NREP: variants seen among roughly 807,000 people sequenced by gnomAD.
NREP encodes neuronal regeneration-related protein.
In NREP, 5 loss-of-function variants were observed where a neutral mutation model predicts 8.6. The ratio of observed to expected loss-of-function variants is 0.58; its 90% CI spans 0.30 to 1.22. NREP has a LOEUF of 1.22. NREP is among the 50% of genes most tolerant of loss of function. The pLI is 0.07. For missense variants in NREP, 86 were observed against 82.5 expected (o/e 1.04, Z -0.17); for synonymous variants, 27 against 28.0 (o/e 0.96, Z 0.11).
chr5:111,960,437 G>C (rs1273514305), intron 2 of NREP, among the ~76,000 whole-genome samples: 4 of 152,132 alleles, frequency 2.6e-5, no homozygotes, highest in Admixed American at 1.3e-4. Context: ...TCCACAGAGA[G>C]GACTTGCAAA....
At chr5:111,850,123 A>G (rs2112466279) in intron 2 of NREP, among the ~76,000 whole-genome samples, 1 of 152,302 alleles carries the variant, frequency 6.6e-6, no homozygotes, top group East Asian at 1.9e-4. Flanking sequence ...CCTCTTCTTC[A>G]TGACAAGTTC....
rs536580073 is a variant in NREP, at chr5:111,800,055, G to C, written c.136-64548C>G. On this transcript the variant is annotated intron_variant, in intron 2 of 3. Transcript: ENST00000395634. ...CTGCCTCAGCCTCCTGAGTAGCTGG[G>C]ACTATAGGTGCCCACCACCACGCCA... 3.3e-5 allele frequency among the ~76,000 whole-genome samples: 5 copies of C among 150,930 alleles called. No homozygotes were observed. In the East Asian group the frequency reaches 9.8e-4, roughly 29 times the overall value.
intron 2 of NREP, among the ~76,000 whole-genome samples, chr5:111,947,419 A>G (rs2112627811): frequency 6.6e-6 from 1 of 152,072 alleles, no homozygotes; most frequent in South Asian, 2.1e-4. Context: ...ATAAAGAGGG[A>G]GGGTATTTAT....
intron 2 of NREP, among the ~76,000 whole-genome samples, chr5:111,748,307 T>C (rs1251844550): frequency 6.6e-6 from 1 of 152,200 alleles, no homozygotes; most frequent in African/African-American, 2.4e-5. Flanking sequence ...TTTTCAGTAG[T>C]AAATTGTTCA....
intron 2 of NREP, chr5:111,940,140 T>C (rs879883809): frequency 3.9e-5 from 6 of 152,066 alleles, no homozygotes; most frequent in Admixed American, 6.5e-5. Flanking sequence ...GCACAGTAAG[T>C]TGTCAAAACA....
rs188299625 is a variant in NREP, at chr5:111,867,952, A to G, written c.135+107322T>C. On this transcript the variant is annotated intron_variant, in intron 2 of 3. Coordinates refer to the NREP transcript ENST00000395634. ...ATTCTAGAACACTTTTATAATTCCA[A>G]AAAGAATCCCCGTACCTGTTAAATA... Among the ~76,000 whole-genome samples, 4 of 152,204 alleles carry G rather than the reference A, an allele frequency of 2.6e-5. No individual in the cohort carries two copies. The East Asian group carries it at 7.7e-4, about 29-fold the overall frequency.
At chr5:111,922,521 C>T (rs56405886) in intron 2 of NREP, among the ~76,000 whole-genome samples, 31,134 of 152,040 alleles carry the variant, frequency 0.2, 4,734 homozygotes, top group African/African-American at 0.43. Context: ...GTCTATTTGC[C>T]AGTCCTCCCC....
At chr5:111,886,635 T>C (rs1581192325) in intron 2 of NREP, among the ~76,000 whole-genome samples, 1 of 150,864 alleles carries the variant, frequency 6.6e-6, no homozygotes, top group Admixed American at 6.6e-5. Flanking sequence ...TGGAATACTA[T>C]GCAGCCATAA....
intron 2 of NREP, among the ~76,000 whole-genome samples, chr5:111,801,285 C>A (rs768252532): frequency 6.6e-6 from 1 of 152,144 alleles, no homozygotes; most frequent in Admixed American, 6.5e-5. Context: ...TGTATTTACC[C>A]TTACAATGTG....
At chr5:111,757,967 A>G (rs1750841544), upstream of NREP, 13 of 985,372 alleles carry the variant, frequency 1.3e-5, no homozygotes, top group African/African-American at 1.7e-5. Flanking sequence ...GCATCTGAGG[A>G]AAAGAGGACG....
chr5:111,920,950 G>A (rs1213612474), intron 2 of NREP, among the ~76,000 whole-genome samples: 8 of 152,122 alleles, frequency 5.3e-5, no homozygotes. Context: ...TCACACAGGA[G>A]GCCCCTTTCT....
At chr5:111,762,623 A>T (rs990675259), upstream of NREP, among the ~76,000 whole-genome samples, 2 of 152,216 alleles carry the variant, frequency 1.3e-5, no homozygotes, top group Non-Finnish European at 2.9e-5. Flanking sequence ...ATTAGGACAC[A>T]GACACATACA....
chr5:111,814,111 G>C (rs1752331982), intron 2 of NREP, among the ~76,000 whole-genome samples: 1 of 151,984 alleles, frequency 6.6e-6, no homozygotes, highest in African/African-American at 2.4e-5. Flanking sequence ...AGAAGTATTT[G>C]TCTGGTTAGG....
intron 3 of NREP, 42 bp downstream of exon 3, chr5:111,735,388 T>C: frequency 7.7e-7 from 1 of 1,304,046 alleles, no homozygotes; most frequent in South Asian, 1.2e-5. Context: ...ATTGTTTCTA[T>C]ATTGAAAATA....
At chr5:111,801,061 C>G (rs1751993691) in intron 2 of NREP, among the ~76,000 whole-genome samples, 1 of 152,226 alleles carries the variant, frequency 6.6e-6, no homozygotes, top group Admixed American at 6.5e-5. Context: ...GTCTCCTCCA[C>G]TACCACAGAA....
chr5:111,841,658 T>TAGG (rs1445072414), intron 2 of NREP, among the ~76,000 whole-genome samples: 2 of 152,124 alleles, frequency 1.3e-5, no homozygotes, highest in African/African-American at 2.4e-5. Context: ...CCCTCCTCCT[T>TAGG]AGGGCACACC....
chr5:111,899,501 G>A (rs1476534790), intron 2 of NREP, among the ~76,000 whole-genome samples: 1 of 152,056 alleles, frequency 6.6e-6, no homozygotes. Context: ...GCAACAGCAT[G>A]AGACCCTGTC....
At chr5:111,790,743 T>A (rs1378715687) in intron 2 of NREP, among the ~76,000 whole-genome samples, 1 of 146,936 alleles carries the variant, frequency 6.8e-6, no homozygotes, top group Non-Finnish European at 1.5e-5. Flanking sequence ...AAAATGAGGA[T>A]CTAGTTATTC....
At chr5:111,841,959 T>A (rs1395677837) in intron 2 of NREP, among the ~76,000 whole-genome samples, 1 of 152,168 alleles carries the variant, frequency 6.6e-6, no homozygotes, top group Non-Finnish European at 1.5e-5. Flanking sequence ...CCCTGAGATA[T>A]CTATGGGCCT....
Sources: allele counts gnomAD v4.1 joint callset (sites outside exome capture counted in the v4.1 genomes callset), GRCh38; gene constraint gnomAD v4.1.1; transcripts MANE v1.5; gene names NCBI Gene and HGNC (gene_info 2026-07-23, HGNC 2026-07-21).